The following ANTXR1 variants were observed in gnomAD, a reference collection of about 807,000 sequenced individuals.
ANTXR1 encodes the protein ANTXR cell adhesion molecule 1.
ANTXR1 carries 19 observed loss-of-function variants against 78.1 expected under a neutral mutation model. The ratio of observed to expected loss-of-function variants is 0.24; its 90% CI spans 0.17 to 0.36. ANTXR1 has a LOEUF of 0.36. Among genes scored for constraint, ANTXR1 ranks in the 10% least tolerant of loss-of-function variants. The pLI, the probability that ANTXR1 is intolerant of heterozygous loss-of-function variation, is 1.00. For synonymous variants in ANTXR1, 273 were observed against 260.5 expected, an observed-to-expected ratio of 1.05 and a Z score of -0.46; for missense variants, 518 against 718.6, an observed-to-expected ratio of 0.72 and a Z score of 3.19.
chr2:69,045,132 A>G lies in ANTXR1; in HGVS notation c.296+319A>G, dbSNP rs1669723848. On this transcript the variant is annotated intron_variant, in intron 3 of 17. Transcript: ENST00000303714. Reference sequence around the variant, plus strand: ...TGGCAAACCATATTATTGGGGGACTATATTTTCTTTTACTTAAGTTAGACT... The same window carrying G: ...TGGCAAACCATATTATTGGGGGACTGTATTTTCTTTTACTTAAGTTAGACT... 5.3e-5 allele frequency among the ~76,000 whole-genome samples: 8 copies of G among 152,168 alleles called. 1 individual carries two copies. The highest frequency in any genetic ancestry group is 3.9e-4 in the Admixed American group (6 of 15,258).
At chr2:69,072,131 TG>T (rs1490807299) in intron 5 of ANTXR1, among the ~76,000 whole-genome samples, 1 of 152,212 alleles carries the variant, frequency 6.6e-6, no homozygotes, top group African/African-American at 2.4e-5. Context: ...AATTTAATTT[TG>T]TTGTTCTTCT....
chr2:69,181,785 GGAA>G lies in ANTXR1; in HGVS notation c.1095_1097del (p.Glu365del), dbSNP rs1280138993. On this transcript the variant is annotated inframe_deletion and splice_region_variant, in exon 15 of 18. Coordinates refer to ENST00000303714, the MANE Select transcript of ANTXR1 (RefSeq NM_032208.3). ...CTTCATGTGCCACAATTTCTCTGCA[GGAA>G]GAAGATGATGATGGTCTGCCTAAGA... The G allele has an allele frequency of 3.7e-6, 6 of 1,614,062 alleles. No individual in the cohort carries two copies. The South Asian group carries it at 5.5e-5, about 15-fold the overall frequency.
At chr2:69,169,380 T>C (rs983085688) in intron 13 of ANTXR1, among the ~76,000 whole-genome samples, 1 of 152,224 alleles carries the variant, frequency 6.6e-6, no homozygotes, top group Admixed American at 6.5e-5. Context: ...AGTGGAATTA[T>C]AGTAGATAAT....
In ANTXR1 at chr2:69,188,034, C is replaced by CAAA. The variant is rs34500820; in HGVS notation, c.1354-5276_1354-5274dup. ...AAGAAAAGATACAACTGCTGCCTGG[C>CAAA]AAAAAAAAAAAAAAAAAAAAAAAAA... On this transcript the variant is annotated intron_variant, in intron 16 of 17. Coordinates refer to ENST00000303714, the MANE Select transcript of ANTXR1 (RefSeq NM_032208.3). Among the ~76,000 whole-genome samples the CAAA allele has an allele frequency of 8.8e-3, 800 of 90,684 alleles. 18 individuals carry two copies. The highest frequency in any genetic ancestry group is 0.026 in the African/African-American group (709 of 27,076). The allele number at this position is 90,684 out of a possible 152,430, so 59.5% of individuals were successfully genotyped here. A position where few individuals can be genotyped will look rare whatever the true frequency, so the allele number is the denominator to read the frequency against.
chr2:69,038,387 T>C (rs1406078665), intron 1 of ANTXR1, among the ~76,000 whole-genome samples: 1 of 152,170 alleles, frequency 6.6e-6, no homozygotes, highest in East Asian at 1.9e-4. Flanking sequence ...GGGTTCAAGA[T>C]GAGCACACAA....
chr2:69,190,188 G>A (rs1674516044), intron 16 of ANTXR1, among the ~76,000 whole-genome samples: 1 of 152,216 alleles, frequency 6.6e-6, no homozygotes, highest in Non-Finnish European at 1.5e-5. Context: ...GGGAGAGTGT[G>A]CAGGGGAGAG....
intron 13 of ANTXR1, among the ~76,000 whole-genome samples, chr2:69,162,104 G>T (rs1026190416): frequency 6.6e-6 from 1 of 152,154 alleles, no homozygotes; most frequent in South Asian, 2.1e-4. Flanking sequence ...GGAAAAAATA[G>T]AATAGAAGTT....
rs760799841 is a variant in ANTXR1, at chr2:69,013,675, C to CG, written c.152+24_152+25insG. The CG allele has an allele frequency of 2.2e-5, 34 of 1,551,412 alleles. No homozygotes were observed. The African/African-American group carries it at 4.4e-4, about 20-fold the overall frequency. On this transcript the variant is annotated intron_variant, in intron 1 of 17. Transcript: ENST00000303714. The surrounding 1 kb of genome is among the most constrained non-coding windows in gnomAD (Gnocchi z 5.0). The stretch of plus-strand genomic sequence containing the variant: ...AAGTAAGTGCCGCGAGTTGTCCCCC[C>CG]CACCCCAGGCTAAGCGGGCGAAAAC...
At chr2:69,146,040 T>C in intron 12 of ANTXR1, 2 of 985,470 alleles carry the variant, frequency 2.0e-6, no homozygotes, top group Non-Finnish European at 2.4e-6. Context: ...TGCAGGGATT[T>C]GGCCATTCAA....
At chr2:69,029,300 TATATATATATTAGATATATATAGATATAG>T (rs1671454123) in intron 1 of ANTXR1, among the ~76,000 whole-genome samples, 1 of 148,632 alleles carries the variant, frequency 6.7e-6, no homozygotes, top group East Asian at 1.9e-4. Context: ...ATATCTAATA[TATATATATATTAGATATATATAGATATAG>T]ATATATACAC....
At chr2:69,168,680 C>A (rs1673896651) in intron 13 of ANTXR1, among the ~76,000 whole-genome samples, 1 of 152,196 alleles carries the variant, frequency 6.6e-6, no homozygotes, top group Admixed American at 6.5e-5. Flanking sequence ...ACATTTCCTG[C>A]TGTAAAGTAA....
At chr2:69,102,657 C>T (rs534091735) in intron 9 of ANTXR1, among the ~76,000 whole-genome samples, 185 bp from the exon 10 acceptor site, 2 of 152,182 alleles carry the variant, frequency 1.3e-5, no homozygotes, top group Non-Finnish European at 2.9e-5. Context: ...TCTTGGGACA[C>T]CTAGTGAGGA....
At chr2:69,198,275 A>G (rs1674706495) in intron 17 of ANTXR1, among the ~76,000 whole-genome samples, 1 of 152,130 alleles carries the variant, frequency 6.6e-6, no homozygotes, top group Non-Finnish European at 1.5e-5. Context: ...ATGCTCCTCA[A>G]TATTATTAAC....
intron 1 of ANTXR1, among the ~76,000 whole-genome samples, chr2:69,021,973 A>G (rs1289188243): frequency 6.6e-6 from 1 of 152,242 alleles, no homozygotes; most frequent in East Asian, 1.9e-4. Context: ...CATACTTTAG[A>G]TGAAATATTC....
intron 8 of ANTXR1, among the ~76,000 whole-genome samples, chr2:69,081,749 A>C (rs1384582945): frequency 1.3e-5 from 2 of 152,228 alleles, no homozygotes; most frequent in Non-Finnish European, 2.9e-5. Context: ...TCTAGAGCCC[A>C]TGATTTTTCC....
intron 10 of ANTXR1, among the ~76,000 whole-genome samples, chr2:69,115,230 A>G (rs1672104902): frequency 6.6e-6 from 1 of 152,222 alleles, no homozygotes; most frequent in Non-Finnish European, 1.5e-5. Context: ...ACACTGCACT[A>G]TATTCATGTC....
chr2:69,150,960 G>A (rs1259681655), intron 12 of ANTXR1, among the ~76,000 whole-genome samples: 1 of 152,088 alleles, frequency 6.6e-6, no homozygotes, highest in Non-Finnish European at 1.5e-5. Context: ...GGAGTTCAAG[G>A]CTGCAGTGAG....
Position 69,245,467 on chromosome 2 carries a change from T to C in ANTXR1, c.1677T>C (p.Pro559=). 1 of 1,565,074 alleles carries C rather than the reference T, an allele frequency of 6.4e-7. No homozygotes were observed. The highest frequency in any genetic ancestry group is 1.1e-5 in the South Asian group (1 of 89,838). ...PNRAPPPSRP[P]PRPSV ...GGGCACCTCCTCCCTCCCGCCCTCC[T>C]CCAAGGCCTTCTGTCTAGAGCCCAA... Residue 559 remains proline (P), a synonymous_variant, in exon 18 of 18, where the codon CCT becomes CCC. Coordinates refer to ENST00000303714, the MANE Select transcript of ANTXR1 (RefSeq NM_032208.3).
chr2:69,148,361 A>C (rs1168839931), intron 12 of ANTXR1, among the ~76,000 whole-genome samples: 2 of 152,120 alleles, frequency 1.3e-5, no homozygotes, highest in East Asian at 3.9e-4. Flanking sequence ...TGCTCTGCAG[A>C]GTGTCACCTC....
Sources: allele counts gnomAD v4.1 joint callset (sites outside exome capture counted in the v4.1 genomes callset), GRCh38; gene constraint gnomAD v4.1.1; non-coding constraint Gnocchi (gnomAD v3.1); transcripts MANE v1.5; gene names NCBI Gene and HGNC (gene_info 2026-07-23, HGNC 2026-07-21).